The following THSD4 variants were observed in gnomAD, a reference collection of about 807,000 sequenced individuals.
THSD4 encodes the protein thrombospondin type 1 domain containing 4.
In THSD4, 69 loss-of-function variants were observed where a neutral mutation model predicts 119.0. The observed-to-expected ratio is 0.58, with a 90% confidence interval of 0.48 to 0.71. The LOEUF (loss-of-function observed/expected upper bound fraction) is 0.71. THSD4 is among the 30% of genes least tolerant of loss of function. THSD4 has a pLI of 0.00. For missense variants in THSD4, 1,393 were observed against 1,391.1 expected, an observed-to-expected ratio of 1.00 and a Z score of -0.02; for synonymous variants, 524 against 540.4, an observed-to-expected ratio of 0.97 and a Z score of 0.42.
intron 1 of THSD4, among the ~76,000 whole-genome samples, chr15:71,138,866 G>A (rs906010244): frequency 6.7e-6 from 1 of 150,116 alleles, no homozygotes; most frequent in Non-Finnish European, 1.5e-5. Context: ...TTCTTGGTGT[G>A]TGTGTGTGTG....
chr15:71,608,612 C>G (rs181082348), intron 7 of THSD4, among the ~76,000 whole-genome samples: 33 of 152,096 alleles, frequency 2.2e-4, no homozygotes, highest in Admixed American at 8.5e-4. Flanking sequence ...CGGATTATGC[C>G]TTTAGGATTG....
chr15:71,229,677 G>A (rs930853725), intron 4 of THSD4, among the ~76,000 whole-genome samples: 5 of 152,100 alleles, frequency 3.3e-5, no homozygotes, highest in African/African-American at 7.2e-5. Flanking sequence ...ATGGCTGACC[G>A]TACACTGTGC....
chr15:71,470,214 AG>A (rs1283262826), intron 7 of THSD4, among the ~76,000 whole-genome samples: 7 of 152,116 alleles, frequency 4.6e-5, no homozygotes, highest in African/African-American at 1.4e-4. Context: ...CTAATTTATA[AG>A]GAGTCAGAGC....
intron 7 of THSD4, among the ~76,000 whole-genome samples, chr15:71,567,727 C>T (rs1236040950): frequency 1.3e-5 from 2 of 151,876 alleles, no homozygotes; most frequent in Admixed American, 6.6e-5. Context: ...GCGCCATCAG[C>T]GGTCAAAACC....
chr15:71,380,297 G>A (rs1358904457), intron 6 of THSD4, among the ~76,000 whole-genome samples: 6 of 151,998 alleles, frequency 3.9e-5, no homozygotes, highest in African/African-American at 7.2e-5. Context: ...ACTCTCTGTC[G>A]TCATCATAAA....
At chr15:71,280,423 C>T (rs1439624383) in intron 6 of THSD4, among the ~76,000 whole-genome samples, 2 of 152,128 alleles carry the variant, frequency 1.3e-5, no homozygotes, top group Non-Finnish European at 2.9e-5. Flanking sequence ...CCTGCAAAAC[C>T]TCTTTGGAAC....
In THSD4 at chr15:71,660,751, T is replaced by C; in HGVS notation, c.1357+17T>C. The C allele has an allele frequency of 6.2e-7, 1 of 1,613,752 alleles. No homozygotes were observed. Among genetic ancestry groups the C allele is most frequent in the Non-Finnish European group, 8.5e-7 (1 of 1,179,846 alleles). On this transcript the variant is annotated intron_variant, in intron 8 of 17. Coordinates refer to ENST00000261862, the MANE Select transcript of THSD4 (RefSeq NM_024817.3). The stretch of plus-strand genomic sequence containing the variant: ...ACTATTTGGGTAAGCTTGGTCTTTT[T>C]CCAGAGAAAACCGTCTGTCCCTGCC...
At chr15:71,531,435 A>G (rs1203873498) in intron 7 of THSD4, among the ~76,000 whole-genome samples, 1 of 152,238 alleles carries the variant, frequency 6.6e-6, no homozygotes, top group Non-Finnish European at 1.5e-5. Flanking sequence ...ACTTGTGGAC[A>G]CATGAAAATG....
chr15:71,278,515 G>A (rs921747031), intron 6 of THSD4, among the ~76,000 whole-genome samples: 1 of 152,172 alleles, frequency 6.6e-6, no homozygotes, highest in Non-Finnish European at 1.5e-5. Flanking sequence ...AACAGAAGTT[G>A]CAACTCAAGA....
chr15:71,137,876 G>C (rs1490701700), intron 1 of THSD4, among the ~76,000 whole-genome samples: 1 of 152,110 alleles, frequency 6.6e-6, no homozygotes, highest in African/African-American at 2.4e-5. Flanking sequence ...ATATATGTCT[G>C]GTTATTTATT....
chr15:71,416,387 T>G (rs2046759641), intron 7 of THSD4, among the ~76,000 whole-genome samples: 1 of 91,326 alleles, frequency 1.1e-5, no homozygotes, highest in Non-Finnish European at 2.4e-5. Flanking sequence ...GCTCTATTCT[T>G]ACTTTTTTGA....
intron 3 of THSD4, among the ~76,000 whole-genome samples, chr15:71,213,171 T>G (rs1392568351): frequency 6.6e-6 from 1 of 152,202 alleles, no homozygotes; most frequent in Non-Finnish European, 1.5e-5. Context: ...CCTTGCCTCT[T>G]CCAGCTTCTG....
At chr15:71,429,760 G>C (rs1230247224) in intron 7 of THSD4, among the ~76,000 whole-genome samples, 2 of 152,160 alleles carry the variant, frequency 1.3e-5, no homozygotes, top group African/African-American at 4.8e-5. Flanking sequence ...GAGGAAAATA[G>C]AGTTAGTAGC....
At chr15:71,225,825 G>C (rs1171144699) in intron 4 of THSD4, among the ~76,000 whole-genome samples, 1 of 152,090 alleles carries the variant, frequency 6.6e-6, no homozygotes, top group Admixed American at 6.5e-5. Context: ...ACAGGCGTGA[G>C]CTACCGTGCT....
At chr15:71,646,966 G>C (rs941003460) in intron 7 of THSD4, among the ~76,000 whole-genome samples, 1 of 152,194 alleles carries the variant, frequency 6.6e-6, no homozygotes, top group Non-Finnish European at 1.5e-5. Flanking sequence ...ATGACATGAT[G>C]ATAGCTGTGT....
rs1044217442 is a variant in THSD4 at position 71,552,772 on chromosome 15, G to A, written c.1153-107758G>A. Among the ~76,000 whole-genome samples the A allele has an allele frequency of 4.6e-5, 7 of 152,146 alleles. No individual in the cohort carries two copies. In the East Asian group the frequency reaches 5.8e-4, roughly 13 times the overall value. ...AGAGATTCTTCGGCTTCAGCCTCCC[G>A]AGTAGCTGGGATTACAGGTGCCCGC... On this transcript the variant is annotated intron_variant, in intron 7 of 17. Transcript: ENST00000261862.
chr15:71,133,689 A>G (rs766646928), intron 1 of THSD4, among the ~76,000 whole-genome samples: 3 of 152,224 alleles, frequency 2.0e-5, no homozygotes, highest in Non-Finnish European at 2.9e-5. Context: ...CTGCAGTATC[A>G]TGTCATCTGA....
chr15:71,571,243 G>A (rs957085961), intron 7 of THSD4, among the ~76,000 whole-genome samples: 4 of 151,354 alleles, frequency 2.6e-5, no homozygotes, highest in African/African-American at 7.3e-5. Flanking sequence ...CTTCTCTTGA[G>A]CCCAAAAATC....
chr15:71,577,592 T>C (rs1366908043), intron 7 of THSD4, among the ~76,000 whole-genome samples: 1 of 152,160 alleles, frequency 6.6e-6, no homozygotes, highest in Non-Finnish European at 1.5e-5. Flanking sequence ...AAATTATGTC[T>C]CTTTGGTTTA....
Sources: allele counts gnomAD v4.1 joint callset (sites outside exome capture counted in the v4.1 genomes callset), GRCh38; gene constraint gnomAD v4.1.1; transcripts MANE v1.5; gene names NCBI Gene and HGNC (gene_info 2026-07-23, HGNC 2026-07-21).